Variants in OSBPL1A observed in about 807,000 individuals in gnomAD.
OSBPL1A encodes the protein oxysterol-binding protein-related protein 1.
OSBPL1A carries 80 observed loss-of-function variants against 137.1 expected under a neutral mutation model. The ratio of observed to expected loss-of-function variants is 0.58; its 90% CI spans 0.49 to 0.70. The LOEUF is 0.70. Among genes scored for constraint, OSBPL1A ranks in the 30% least tolerant of loss-of-function variants. The probability of loss-of-function intolerance (pLI) is 0.00; values close to 1 mark genes in which losing one functional copy is unlikely to be tolerated. For missense variants in OSBPL1A, 970 were observed against 1,129.4 expected, an observed-to-expected ratio of 0.86 and a Z score of 2.02; for synonymous variants, 365 against 389.7, an observed-to-expected ratio of 0.94 and a Z score of 0.75.
chr18:24,251,838 A>G (rs1256626158), intron 15 of OSBPL1A, among the ~76,000 whole-genome samples: 1 of 152,220 alleles, frequency 6.6e-6, no homozygotes, highest in Non-Finnish European at 1.5e-5. Flanking sequence ...ACAGAGAAAG[A>G]ACTCAGAAGT....
At chr18:24,250,244 T>C (rs538803676) in intron 15 of OSBPL1A, among the ~76,000 whole-genome samples, 2 of 151,702 alleles carry the variant, frequency 1.3e-5, no homozygotes, top group South Asian at 2.1e-4. Flanking sequence ...TAGTGTGATC[T>C]TGGCTCACTG....
intron 19 of OSBPL1A, among the ~76,000 whole-genome samples, chr18:24,180,703 G>A (rs946532718): frequency 5.9e-5 from 9 of 152,196 alleles, no homozygotes; most frequent in South Asian, 2.1e-4. Context: ...GTGAAAACCC[G>A]TCTCTACTAA....
intron 24 of OSBPL1A, among the ~76,000 whole-genome samples, chr18:24,169,683 C>T (rs1056989401): frequency 5.3e-5 from 8 of 152,270 alleles, no homozygotes; most frequent in South Asian, 2.1e-4. Flanking sequence ...GAAAGGAATC[C>T]GTCCTCAAAT....
chr18:24,290,576 G>A (rs2090157983), intron 14 of OSBPL1A, among the ~76,000 whole-genome samples: 1 of 152,144 alleles, frequency 6.6e-6, no homozygotes, highest in Non-Finnish European at 1.5e-5. Context: ...CCAGCTAATT[G>A]GGAGGCTGAG....
chr18:24,321,557 G>A, intron 7 of OSBPL1A: 1 of 406,688 alleles, frequency 2.5e-6, no homozygotes, highest in South Asian at 1.9e-5. Flanking sequence ...CCAGAGTGCT[G>A]GGATTACAGG....
intron 5 of OSBPL1A, among the ~76,000 whole-genome samples, chr18:24,339,522 T>C (rs2091238600): frequency 6.6e-6 from 1 of 152,194 alleles, no homozygotes. Context: ...TCTTGTGCAG[T>C]TTGAGTTTGG....
At chr18:24,396,684 G>T (rs1023565166) in intron 1 of OSBPL1A, among the ~76,000 whole-genome samples, 1 of 151,806 alleles carries the variant, frequency 6.6e-6, no homozygotes, top group Admixed American at 6.6e-5. Context: ...CCAGCTTGGG[G>T]TGGGGAGGGA....
In OSBPL1A at chr18:24,259,366, C is replaced by T. The variant is rs140450583; in HGVS notation, c.1282-19984G>A. Among the ~76,000 whole-genome samples the T allele has an allele frequency of 5.8e-3, 880 of 152,264 alleles. 7 individuals are homozygous for T. Among genetic ancestry groups the T allele is most frequent in the African/African-American group, 0.02 (837 of 41,546 alleles). On this transcript the variant is annotated intron_variant, in intron 15 of 27. Coordinates refer to ENST00000319481, the MANE Select transcript of OSBPL1A (RefSeq NM_080597.4). Reference sequence around the variant, plus strand: ...ATTTCTCCCAATAGCTATTTCTCCCCTTTGTCATTAGTAAGCCCCAAGTTT... The same window carrying T: ...ATTTCTCCCAATAGCTATTTCTCCCTTTTGTCATTAGTAAGCCCCAAGTTT...
intron 15 of OSBPL1A, among the ~76,000 whole-genome samples, chr18:24,278,733 T>G (rs962190453): frequency 2.0e-5 from 3 of 152,166 alleles, no homozygotes; most frequent in African/African-American, 7.2e-5. Context: ...ATAAGAGACA[T>G]GAGTGAAATG....
At chr18:24,314,371 G>C (rs771642377) in intron 11 of OSBPL1A, 24 bp from the exon 12 acceptor site, 31 of 1,506,912 alleles carry the variant, frequency 2.1e-5, no homozygotes, top group Non-Finnish European at 2.8e-5. Context: ...AAGTCAGTAA[G>C]ACAACATTCA....
chr18:24,384,235 G>A (rs191513690), intron 1 of OSBPL1A, among the ~76,000 whole-genome samples: 6 of 152,326 alleles, frequency 3.9e-5, no homozygotes, highest in East Asian at 1.9e-4. Flanking sequence ...TTTGGTTGTG[G>A]TGAATTTGAG....
chr18:24,209,771 T>C (rs146629496), intron 17 of OSBPL1A, among the ~76,000 whole-genome samples: 1 of 152,332 alleles, frequency 6.6e-6, no homozygotes, highest in African/African-American at 2.4e-5. Flanking sequence ...AACGCCACAT[T>C]CAAGGAGCAC....
At position 24,293,125 on chromosome 18, in the gene OSBPL1A, A is replaced by AAAAAAAAAAG. The variant is rs200624581; in HGVS notation, c.1174+10511_1174+10512insCTTTTTTTTT. 7.1e-3 allele frequency among the ~76,000 whole-genome samples: 581 copies of AAAAAAAAAAG among 81,854 alleles called. 19 individuals are homozygous for AAAAAAAAAAG. The highest frequency in any genetic ancestry group is 0.022 in the African/African-American group (555 of 24,860). 53.7% of individuals were successfully genotyped at this position (81,854 alleles called of 152,430 possible). ...GTCTCAAAAAAAAAAAAAAAAAAAA[A>AAAAAAAAAAG]AAAGAAAAGAAAAGAAAAAATTAAA... On this transcript the variant is annotated intron_variant, in intron 14 of 27. Transcript: ENST00000319481.
At chr18:24,371,411 T>G (rs1278013778) in intron 2 of OSBPL1A, among the ~76,000 whole-genome samples, 4 of 152,116 alleles carry the variant, frequency 2.6e-5, no homozygotes, top group Non-Finnish European at 4.4e-5. Context: ...TCCCTGGGCT[T>G]CCAGCACCAA....
intron 18 of OSBPL1A, among the ~76,000 whole-genome samples, chr18:24,186,049 C>T (rs2086738615): frequency 6.6e-6 from 1 of 152,072 alleles, no homozygotes; most frequent in South Asian, 2.1e-4. Context: ...GCCTGGGTGA[C>T]ACAGCAAGAC....
At chr18:24,334,146 C>A in intron 6 of OSBPL1A, 99 bp downstream of exon 6, 1 of 927,916 alleles carries the variant, frequency 1.1e-6, no homozygotes, top group Non-Finnish European at 1.6e-6. Context: ...CTTGGTTCCA[C>A]AATTCAACTA....
chr18:24,220,520 C>T (rs564737090), intron 17 of OSBPL1A, among the ~76,000 whole-genome samples: 6 of 152,300 alleles, frequency 3.9e-5, no homozygotes, highest in Admixed American at 2.6e-4. Flanking sequence ...CTGTTCCCTC[C>T]AGCCCCCAGC....
At chr18:24,369,642 A>G (rs1039105694) in intron 2 of OSBPL1A, among the ~76,000 whole-genome samples, 4 of 152,164 alleles carry the variant, frequency 2.6e-5, no homozygotes, top group African/African-American at 9.7e-5. Flanking sequence ...CAGGCCTCTA[A>G]CAACCCTCCA....
At chr18:24,385,382 T>A (rs1205431683) in intron 1 of OSBPL1A, among the ~76,000 whole-genome samples, 11 of 152,134 alleles carry the variant, frequency 7.2e-5, no homozygotes, top group Non-Finnish European at 1.5e-4. Flanking sequence ...CAGAAGGAGA[T>A]CCTGTCTCTA....
Sources: gnomAD v4.1 joint callset for allele counts (sites outside exome capture counted in the v4.1 genomes callset) on GRCh38, gnomAD v4.1.1 for gene constraint, MANE v1.5 for transcripts, NCBI Gene and HGNC (gene_info 2026-07-23, HGNC 2026-07-21) for gene names.